OSBPL8: variants seen among roughly 807,000 people sequenced by gnomAD.
OSBPL8 encodes the protein oxysterol binding protein like 8, also known as oxysterol-binding protein-related protein 8.
Under a neutral mutation model 125.5 loss-of-function variants are expected in OSBPL8, and 59 were observed. The observed-to-expected ratio is 0.47, with a 90% CI of 0.38 to 0.58. OSBPL8 has a LOEUF of 0.58. Among genes scored for constraint, OSBPL8 ranks in the 20% least tolerant of loss-of-function variants. OSBPL8 has a pLI of 0.00. For missense variants in OSBPL8, 758 were observed against 1,047.8 expected (o/e 0.72, Z 3.82); for synonymous variants, 330 against 338.9 (o/e 0.97, Z 0.29).
chr12:76,363,320 C>T (rs566104358), intron 21 of OSBPL8, among the ~76,000 whole-genome samples: 11 of 151,892 alleles, frequency 7.2e-5, no homozygotes, highest in East Asian at 1.9e-4. Context: ...ATATATAGAC[C>T]GATGGAACAG....
chr12:76,447,832 C>T (rs1340650353), intron 4 of OSBPL8, among the ~76,000 whole-genome samples: 2 of 152,180 alleles, frequency 1.3e-5, no homozygotes, highest in Non-Finnish European at 2.9e-5. Flanking sequence ...CAGGCATGAG[C>T]CACTGCACCC....
Position 76,524,812 on chromosome 12 carries a change from T to C in OSBPL8, c.-68+34585A>G, listed in dbSNP as rs530171004. Among the ~76,000 whole-genome samples, 11 of 152,016 alleles carry C rather than the reference T, an allele frequency of 7.2e-5. No homozygotes were observed. The South Asian group carries it at 1.0e-3, about 14-fold the overall frequency. On this transcript the variant is annotated intron_variant, in intron 1 of 23. Transcript: ENST00000261183. ...GATTCTCCTGCCTCAGCCTCCCAAGTAGCTGGGATTACAGGTGCACAGTAC... is the reference window on the plus strand; with the variant it reads ...GATTCTCCTGCCTCAGCCTCCCAAGCAGCTGGGATTACAGGTGCACAGTAC...
chr12:76,390,668 A>T lies in OSBPL8; in HGVS notation c.930-11T>A, dbSNP rs1157897058. On this transcript the variant is annotated splice_polypyrimidine_tract_variant and intron_variant, in intron 10 of 23. Transcript: ENST00000261183. The stretch of plus-strand genomic sequence containing the variant: ...TCACTATCATTTAACCTTAAGGGAA[A>T]GAATTTTTAGGAGGAAGAATCAAGG... 25 of 1,517,176 alleles carry T rather than the reference A, an allele frequency of 1.6e-5. No homozygotes were observed. The highest frequency in any genetic ancestry group is 2.3e-5 in the Non-Finnish European group (25 of 1,095,002). 94.0% of individuals were successfully genotyped at this position (1,517,176 alleles called of 1,614,324 possible).
intron 17 of OSBPL8, among the ~76,000 whole-genome samples, chr12:76,374,569 T>C (rs1482534053): frequency 6.6e-6 from 1 of 152,180 alleles, no homozygotes; most frequent in East Asian, 1.9e-4. Context: ...GAGGCTGTCA[T>C]GCTGTCAGGA....
intron 4 of OSBPL8, among the ~76,000 whole-genome samples, chr12:76,429,774 AG>A (rs1161896309): frequency 7.9e-5 from 12 of 152,312 alleles, no homozygotes; most frequent in African/African-American, 2.9e-4. Context: ...AGACAAGATT[AG>A]AATTCAGCCA....
chr12:76,472,947 C>T (rs1876350705), intron 2 of OSBPL8, among the ~76,000 whole-genome samples: 1 of 152,042 alleles, frequency 6.6e-6, no homozygotes, highest in Non-Finnish European at 1.5e-5. Flanking sequence ...GGGAGACTCC[C>T]TTTCCTGGTC....
At chr12:76,409,183 AGAAAGGTC>A (rs1192334259) in intron 5 of OSBPL8, among the ~76,000 whole-genome samples, 4 of 152,166 alleles carry the variant, frequency 2.6e-5, no homozygotes, top group African/African-American at 9.7e-5. Flanking sequence ...CTTGAAAAGC[AGAAAGGTC>A]ACTCTCTGAC....
At chr12:76,466,306 TC>T (rs1381433025) in intron 2 of OSBPL8, among the ~76,000 whole-genome samples, 2 of 151,312 alleles carry the variant, frequency 1.3e-5, no homozygotes, top group Non-Finnish European at 2.9e-5. Context: ...CTGATATTTT[TC>T]AATCTACACT....
chr12:76,556,436 G>A (rs969433243), intron 1 of OSBPL8, among the ~76,000 whole-genome samples: 33 of 142,124 alleles, frequency 2.3e-4, no homozygotes, highest in African/African-American at 7.2e-4. Flanking sequence ...ACTTTGTGAG[G>A]ATATGTGAGG....
At chr12:76,407,001 T>G (rs1012556706) in intron 5 of OSBPL8, among the ~76,000 whole-genome samples, 2 of 152,152 alleles carry the variant, frequency 1.3e-5, no homozygotes, top group African/African-American at 4.8e-5. Flanking sequence ...GAAATAACAT[T>G]TAACCTAAAA....
At chr12:76,451,383 A>G (rs949576558) in intron 3 of OSBPL8, among the ~76,000 whole-genome samples, 1 of 152,202 alleles carries the variant, frequency 6.6e-6, no homozygotes, top group Non-Finnish European at 1.5e-5. Context: ...AAAGATACTC[A>G]GCCTCATTAG....
chr12:76,419,952 G>T (rs1869256352), intron 4 of OSBPL8, among the ~76,000 whole-genome samples: 1 of 152,058 alleles, frequency 6.6e-6, no homozygotes, highest in South Asian at 2.1e-4. Context: ...AAGTACATAG[G>T]TTTACTTTTT....
At chr12:76,535,074 CAAAA>C (rs35521552) in intron 1 of OSBPL8, among the ~76,000 whole-genome samples, 7 of 151,442 alleles carry the variant, frequency 4.6e-5, no homozygotes, top group African/African-American at 1.7e-4. Context: ...AATTTGTAGA[CAAAA>C]AAATTCTTAA....
At chr12:76,528,171 A>T (rs1216352982) in intron 1 of OSBPL8, among the ~76,000 whole-genome samples, 2 of 151,978 alleles carry the variant, frequency 1.3e-5, no homozygotes, top group Non-Finnish European at 2.9e-5. Flanking sequence ...AAATACAAAA[A>T]TTAGCTGGGC....
rs1332284931 is a variant in OSBPL8, at chr12:76,551,858, A to C, written c.-68+7539T>G. ...GGCAACACTAGCTGCTTAACAAATA[A>C]ACCCCAGATTTTCGGTAGCTTCACA... On this transcript the variant is annotated intron_variant, in intron 1 of 23. Transcript: ENST00000261183. Among the ~76,000 whole-genome samples, 5 of 152,326 alleles carry C rather than the reference A, an allele frequency of 3.3e-5. No individual in the cohort carries two copies. The South Asian group carries it at 1.0e-3, about 32-fold the overall frequency.
chr12:76,511,860 T>C (rs1881032852), intron 1 of OSBPL8, among the ~76,000 whole-genome samples: 1 of 152,234 alleles, frequency 6.6e-6, no homozygotes, highest in Admixed American at 6.5e-5. Flanking sequence ...TTTTCGGTTT[T>C]ACATTTAAGT....
intron 12 of OSBPL8, among the ~76,000 whole-genome samples, chr12:76,388,226 T>G (rs1009514003): frequency 6.6e-6 from 1 of 152,206 alleles, no homozygotes; most frequent in African/African-American, 2.4e-5. Flanking sequence ...CTTGTATATA[T>G]GCCATTCTGT....
intron 2 of OSBPL8, among the ~76,000 whole-genome samples, chr12:76,478,021 T>A: frequency 6.6e-6 from 1 of 151,878 alleles, no homozygotes; most frequent in East Asian, 1.9e-4. Context: ...CTGGCCAACA[T>A]GGTGAAACTC....
At chr12:76,502,525 G>T (rs1880008466) in intron 1 of OSBPL8, among the ~76,000 whole-genome samples, 1 of 152,212 alleles carries the variant, frequency 6.6e-6, no homozygotes, top group African/African-American at 2.4e-5. Context: ...CTCTACAATA[G>T]AGGTATGGGA....
Sources: allele counts gnomAD v4.1 joint callset (sites outside exome capture counted in the v4.1 genomes callset), GRCh38; gene constraint gnomAD v4.1.1; transcripts MANE v1.5; gene names NCBI Gene and HGNC (gene_info 2026-07-23, HGNC 2026-07-21).